MBD5: variants seen among roughly 807,000 people sequenced by gnomAD.
MBD5 encodes the protein methyl-CpG-binding domain protein 5.
MBD5 carries 13 observed loss-of-function variants against 117.3 expected under a neutral mutation model. The observed-to-expected ratio is 0.11, with a 90% confidence interval of 0.07 to 0.18. The LOEUF (loss-of-function observed/expected upper bound fraction) is 0.18, where lower values mean the gene tolerates loss of function less well. MBD5 is among the 10% of genes least tolerant of loss of function. The probability of loss-of-function intolerance (pLI) is 1.00; values close to 1 mark genes in which losing one functional copy is unlikely to be tolerated. For synonymous variants in MBD5, 727 were observed against 766.4 expected (o/e 0.95, Z 0.85); for missense variants, 1,879 against 2,093.8 (o/e 0.90, Z 2.00).
chr2:148,513,231 C>A lies in MBD5; in HGVS notation c.*290C>A. 8.0e-6 allele frequency: 3 copies of A among 376,540 alleles called. No homozygotes were observed. Among genetic ancestry groups the A allele is most frequent in the South Asian group, 3.3e-5 (1 of 30,566 alleles). The allele number at this position is 376,540 out of a possible 1,614,324, so 23.3% of individuals were successfully genotyped here. A position where few individuals can be genotyped will look rare whatever the true frequency, so the allele number is the denominator to read the frequency against. On this transcript the variant is annotated 3_prime_UTR_variant, in exon 14 of 14. Transcript: ENST00000642680. ...CTAAATTGTGATTATAAGAAATAGT[C>A]CAAATGTTTCTGAAGAATTTTCAAT...
rs183860063 is a variant in MBD5 at position 148,180,394 on chromosome 2, G to A, written c.-831+1601G>A. On this transcript the variant is annotated intron_variant, in intron 2 of 13. Coordinates refer to ENST00000642680, the MANE Select transcript of MBD5 (RefSeq NM_001378120.1). ...TGTATCTTTTACTTTAAGAGATGTA[G>A]TCTCTTTAAGTTGCTCAGACTAGAT... 2.9e-5 allele frequency among the ~76,000 whole-genome samples: 3 copies of A among 103,670 alleles called. No homozygotes were observed. In the Admixed American group the frequency reaches 3.3e-4, roughly 11 times the overall value. The allele number at this position is 103,670 out of a possible 152,430, so 68.0% of individuals were successfully genotyped here. A position where few individuals can be genotyped will look rare whatever the true frequency, so the allele number is the denominator to read the frequency against.
At chr2:148,296,392 G>A (rs561595816) in intron 3 of MBD5, 1 of 156,528 alleles carries the variant, frequency 6.4e-6, no homozygotes, top group South Asian at 1.9e-4. Context: ...TGGCTACACA[G>A]TGGAAGAAAG....
intron 3 of MBD5, among the ~76,000 whole-genome samples, chr2:148,274,019 G>C (rs1292310287): frequency 6.6e-6 from 1 of 151,432 alleles, no homozygotes; most frequent in East Asian, 1.9e-4. Flanking sequence ...TTTTATTCTA[G>C]TTCTCATTTG....
At chr2:148,187,367 T>C (rs1698690370) in intron 2 of MBD5, among the ~76,000 whole-genome samples, 1 of 146,530 alleles carries the variant, frequency 6.8e-6, no homozygotes, top group South Asian at 2.2e-4. Flanking sequence ...ATAACAAATA[T>C]GGAATTGGAG....
rs867060082 is a variant in MBD5, at chr2:148,180,391, G to A, written c.-831+1598G>A. 1.4e-4 allele frequency among the ~76,000 whole-genome samples: 11 copies of A among 78,732 alleles called. No individual in the cohort carries two copies. In the South Asian group the frequency reaches 4.6e-3, roughly 33 times the overall value. The allele number at this position is 78,732 out of a possible 152,430, so 51.7% of individuals were successfully genotyped here. A position where few individuals can be genotyped will look rare whatever the true frequency, so the allele number is the denominator to read the frequency against. ...ATATGTATCTTTTACTTTAAGAGAT[G>A]TAGTCTCTTTAAGTTGCTCAGACTA... On this transcript the variant is annotated intron_variant, in intron 2 of 13. Transcript: ENST00000642680.
intron 3 of MBD5, among the ~76,000 whole-genome samples, chr2:148,260,909 G>T (rs890204385): frequency 3.9e-5 from 6 of 152,148 alleles, no homozygotes; most frequent in Non-Finnish European, 7.4e-5. Flanking sequence ...CTATGGTTTT[G>T]GCAAGCATGA....
At chr2:148,248,915 C>T (rs1175235016) in intron 3 of MBD5, among the ~76,000 whole-genome samples, 1 of 151,942 alleles carries the variant, frequency 6.6e-6, no homozygotes. Flanking sequence ...TAAGGGTTGA[C>T]TTTTCAATAA....
chr2:148,023,443 C>T (rs1693820215), intron 1 of MBD5, among the ~76,000 whole-genome samples: 2 of 152,058 alleles, frequency 1.3e-5, no homozygotes, highest in Admixed American at 6.5e-5. Context: ...TAGCAGTAAA[C>T]AATATGATCT....
Position 148,474,950 on chromosome 2 carries a change from G to T in MBD5, c.2518+4489G>T, listed in dbSNP as rs371056224. On this transcript the variant is annotated intron_variant, in intron 8 of 13. Coordinates refer to ENST00000642680, the MANE Select transcript of MBD5 (RefSeq NM_001378120.1). ...GAAAATAAAGGGAGTTGTCATCCCT[G>T]TTTTTTCTAGATGAAGCTACAGGGG... Among the ~76,000 whole-genome samples the T allele has an allele frequency of 1.6e-4, 24 of 152,170 alleles. No individual in the cohort carries two copies. In the East Asian group the frequency reaches 4.4e-3, roughly 28 times the overall value.
Position 148,294,506 on chromosome 2 carries a change from T to TTTTTTTTTGTTTTTTG in MBD5, c.-679-47700_-679-47699insGTTTTTTGTTTTTTTT, listed in dbSNP as rs1397412173. Among the ~76,000 whole-genome samples, 5 of 130,642 alleles carry TTTTTTTTTGTTTTTTG rather than the reference T, an allele frequency of 3.8e-5. 1 individual carries two copies. Among genetic ancestry groups the TTTTTTTTTGTTTTTTG allele is most frequent in the Admixed American group, 1.5e-4 (2 of 13,092 alleles). The allele number at this position is 130,642 out of a possible 152,430, so 85.7% of individuals were successfully genotyped here. On this transcript the variant is annotated intron_variant, in intron 3 of 13. Coordinates refer to ENST00000642680, the MANE Select transcript of MBD5 (RefSeq NM_001378120.1). ...CCCAAAGTGCTGGGATTACAGTTTTTTTTTTTTTTTTTTTTGAGATAGAGC... is the reference window on the plus strand; with the variant it reads ...CCCAAAGTGCTGGGATTACAGTTTTTTTTTTTTTGTTTTTTGTTTTTTTTTTTTTTTGAGATAGAGC...
intron 1 of MBD5, among the ~76,000 whole-genome samples, chr2:148,132,335 TATA>T (rs1697069348): frequency 1.8e-4 from 1 of 5,572 alleles, no homozygotes; most frequent in Non-Finnish European, 4.6e-4. Context: ...TATATACATA[TATA>T]TATATATATA....
intron 4 of MBD5, among the ~76,000 whole-genome samples, chr2:148,442,130 T>C (rs1391697626): frequency 6.6e-6 from 1 of 151,750 alleles, no homozygotes; most frequent in Non-Finnish European, 1.5e-5. Flanking sequence ...TTTGTCAATT[T>C]TGGCTTTTGT....
intron 1 of MBD5, among the ~76,000 whole-genome samples, chr2:148,088,762 G>T (rs1695862151): frequency 6.6e-6 from 1 of 151,936 alleles, no homozygotes; most frequent in South Asian, 2.1e-4. Flanking sequence ...CCTTCTTAAA[G>T]CATAAATCTC....
At chr2:148,424,196 A>G (rs1442431805) in intron 4 of MBD5, among the ~76,000 whole-genome samples, 1 of 82,452 alleles carries the variant, frequency 1.2e-5, no homozygotes, top group African/African-American at 6.8e-5. Flanking sequence ...AAAAAAAAAA[A>G]AAAAAAAAAA....
At chr2:148,397,624 C>G (rs1017055309) in intron 4 of MBD5, among the ~76,000 whole-genome samples, 1 of 151,944 alleles carries the variant, frequency 6.6e-6, no homozygotes, top group Non-Finnish European at 1.5e-5. Flanking sequence ...CCACCGCGCC[C>G]AGCCTGATCC....
chr2:148,304,686 A>C (rs1408481550), intron 3 of MBD5, among the ~76,000 whole-genome samples: 1 of 152,180 alleles, frequency 6.6e-6, no homozygotes, highest in Non-Finnish European at 1.5e-5. Flanking sequence ...CAAGGAGCAG[A>C]GTGGGTGTCA....
intron 4 of MBD5, among the ~76,000 whole-genome samples, chr2:148,371,792 C>G (rs937486755): frequency 6.6e-6 from 1 of 152,086 alleles, no homozygotes; most frequent in Non-Finnish European, 1.5e-5. Context: ...TAAAAAATGA[C>G]TTTTTCCCTC....
chr2:148,347,461 T>A (rs759247166), intron 4 of MBD5: 1 of 152,032 alleles, frequency 6.6e-6, no homozygotes, highest in Non-Finnish European at 1.5e-5. Flanking sequence ...ATTATTTTAA[T>A]ATGGCATGCC....
chr2:148,294,549 C>T (rs1302248914), intron 3 of MBD5, among the ~76,000 whole-genome samples: 1 of 112,558 alleles, frequency 8.9e-6, no homozygotes, highest in South Asian at 2.6e-4. Context: ...ATCGCCCAGG[C>T]TGGAGTGCAG....
Sources: allele counts gnomAD v4.1 joint callset (sites outside exome capture counted in the v4.1 genomes callset), GRCh38; gene constraint gnomAD v4.1.1; transcripts MANE v1.5; gene names NCBI Gene and HGNC (gene_info 2026-07-23, HGNC 2026-07-21).